CDH18: variants seen among roughly 807,000 people sequenced by gnomAD.
CDH18 encodes cadherin 18.
In CDH18, 31 loss-of-function variants were observed where a neutral mutation model predicts 67.9. The observed-to-expected ratio is 0.46, with a 90% CI of 0.34 to 0.62. The LOEUF is 0.62. Ranked by LOEUF, CDH18 falls within the 20% of genes least tolerant of loss-of-function variation. The pLI is 0.01. For missense variants in CDH18, 890 were observed against 975.5 expected (o/e 0.91, Z 1.17); for synonymous variants, 362 against 347.2 (o/e 1.04, Z -0.48).
intron 1 of CDH18, among the ~76,000 whole-genome samples, chr5:19,983,101 A>G (rs1189343002): frequency 6.6e-6 from 1 of 151,896 alleles, no homozygotes; most frequent in Non-Finnish European, 1.5e-5. Context: ...TATCAAAAAT[A>G]TATATATGTA....
chr5:19,714,067 T>C (rs553430051), intron 5 of CDH18, among the ~76,000 whole-genome samples: 9 of 152,268 alleles, frequency 5.9e-5, no homozygotes, highest in Non-Finnish European at 1.0e-4. Context: ...AGTGACTTCA[T>C]TGAGGTCCTT....
intron 1 of CDH18, among the ~76,000 whole-genome samples, chr5:20,405,798 A>G (rs1402542222): frequency 6.6e-6 from 1 of 152,240 alleles, no homozygotes; most frequent in African/African-American, 2.4e-5. Flanking sequence ...TTCTGAAAAG[A>G]AGACATTTAT....
intron 11 of CDH18, among the ~76,000 whole-genome samples, chr5:19,500,517 A>G (rs1743060092): frequency 1.3e-5 from 2 of 152,188 alleles, no homozygotes; most frequent in South Asian, 4.1e-4. Context: ...CTATGTGTCA[A>G]TATTTCCATC....
intron 1 of CDH18, among the ~76,000 whole-genome samples, chr5:20,531,266 T>G (rs76837148): frequency 0.021 from 3,250 of 152,106 alleles, 72 homozygotes; most frequent in African/African-American, 0.044. Flanking sequence ...TGTGGAAAAA[T>G]AGGAATGCTT....
At chr5:19,778,051 C>G (rs767277639) in intron 3 of CDH18, among the ~76,000 whole-genome samples, 29 of 151,962 alleles carry the variant, frequency 1.9e-4, no homozygotes, top group Non-Finnish European at 4.0e-4. Flanking sequence ...AAAAGATAAC[C>G]TGAATAGCCC....
intron 2 of CDH18, among the ~76,000 whole-genome samples, chr5:20,214,599 C>A (rs190624184): frequency 6.6e-6 from 1 of 151,964 alleles, no homozygotes; most frequent in African/African-American, 2.4e-5. Flanking sequence ...GGAAAGGACT[C>A]CCTAGTCAAT....
At chr5:20,553,670 C>A (rs1757759101) in intron 1 of CDH18, among the ~76,000 whole-genome samples, 1 of 152,160 alleles carries the variant, frequency 6.6e-6, no homozygotes. Flanking sequence ...CCAAAGTTGA[C>A]TCTTGTAATT....
chr5:20,208,884 C>T (rs1007964203), intron 2 of CDH18, among the ~76,000 whole-genome samples: 3 of 151,768 alleles, frequency 2.0e-5, no homozygotes, highest in Non-Finnish European at 2.9e-5. Context: ...AACTCAATAG[C>T]AATAAAGAAA....
intron 1 of CDH18, among the ~76,000 whole-genome samples, chr5:20,539,755 C>G (rs894043291): frequency 7.1e-6 from 1 of 140,284 alleles, no homozygotes; most frequent in Non-Finnish European, 1.5e-5. Flanking sequence ...CACACACACA[C>G]AAACACACAC....
intron 1 of CDH18, among the ~76,000 whole-genome samples, chr5:20,435,258 C>T (rs1349969341): frequency 6.6e-6 from 1 of 152,074 alleles, no homozygotes. Flanking sequence ...TTTCATTCAA[C>T]TGTTCTGGGA....
At chr5:19,943,639 C>T (rs1432337912) in intron 2 of CDH18, among the ~76,000 whole-genome samples, 1 of 151,796 alleles carries the variant, frequency 6.6e-6, no homozygotes, top group Non-Finnish European at 1.5e-5. Flanking sequence ...GTATAATATC[C>T]TGAGTCTTTT....
At chr5:19,814,789 T>G (rs1359537499) in intron 3 of CDH18, among the ~76,000 whole-genome samples, 2 of 151,876 alleles carry the variant, frequency 1.3e-5, no homozygotes, top group African/African-American at 2.4e-5. Flanking sequence ...AAAAAATGTT[T>G]CCAAATATTG....
At chr5:20,033,418 T>C (rs939588883) in intron 2 of CDH18, among the ~76,000 whole-genome samples, 8 of 151,952 alleles carry the variant, frequency 5.3e-5, no homozygotes, top group African/African-American at 1.9e-4. Flanking sequence ...GAAATCAGTT[T>C]TGCAAGTATC....
chr5:19,724,180 A>G (rs1766498904), intron 4 of CDH18, among the ~76,000 whole-genome samples: 1 of 152,192 alleles, frequency 6.6e-6, no homozygotes, highest in African/African-American at 2.4e-5. Flanking sequence ...TTACTCAACA[A>G]TAAAAATGAA....
chr5:19,890,154 G>A (rs1788633295), intron 2 of CDH18, among the ~76,000 whole-genome samples: 1 of 152,030 alleles, frequency 6.6e-6, no homozygotes, highest in Non-Finnish European at 1.5e-5. Flanking sequence ...AGGTTCTGGG[G>A]GTCATCTGTT....
chr5:19,597,587 C>T (rs1269938651), intron 6 of CDH18, among the ~76,000 whole-genome samples: 1 of 151,926 alleles, frequency 6.6e-6, no homozygotes, highest in Non-Finnish European at 1.5e-5. Flanking sequence ...TGATTTTATA[C>T]TTTGATATAT....
chr5:20,143,534 AT>A lies in CDH18; in HGVS notation c.-518+111909del, dbSNP rs574497286. Among the ~76,000 whole-genome samples, 190 of 151,866 alleles carry A rather than the reference AT, an allele frequency of 1.3e-3. 1 individual carries two copies. The highest frequency in any genetic ancestry group is 4.3e-3 in the African/African-American group (178 of 41,414). On this transcript the variant is annotated intron_variant, in intron 2 of 14. Transcript: ENST00000507958. ...ACGCATGCACCGCTATGCCCAGATAATTTTTTCCCCCTCTTTAATGATGGGG... is the reference window on the plus strand; with the variant it reads ...ACGCATGCACCGCTATGCCCAGATAATTTTTCCCCCTCTTTAATGATGGGG...
At chr5:20,103,795 G>A (rs1177280087) in intron 2 of CDH18, among the ~76,000 whole-genome samples, 14 of 86,976 alleles carry the variant, frequency 1.6e-4, no homozygotes, top group Middle Eastern at 6.0e-3. Context: ...ATGGAGCTAT[G>A]TACATAGAAA....
chr5:20,431,504 A>AAAAAAAAAAAAAAAAAAAGAAG (rs536468948), intron 1 of CDH18, among the ~76,000 whole-genome samples: 1 of 138,744 alleles, frequency 7.2e-6, no homozygotes, highest in African/African-American at 2.7e-5. Flanking sequence ...AAAAAAAAAA[A>AAAAAAAAAAAAAAAAAAAGAAG]AAGAAGAAGA....
Sources: allele counts gnomAD v4.1 joint callset (sites outside exome capture counted in the v4.1 genomes callset), GRCh38; gene constraint gnomAD v4.1.1; transcripts MANE v1.5; gene names NCBI Gene and HGNC (gene_info 2026-07-23, HGNC 2026-07-21).